Variants in H2AZ2 observed in about 807,000 individuals in gnomAD.
H2AZ2 encodes histone H2A.V.
A neutral mutation model predicts 15.5 loss-of-function variants in H2AZ2; 5 were observed. The observed-to-expected ratio is 0.32, with a 90% CI of 0.17 to 0.68. The LOEUF (loss-of-function observed/expected upper bound fraction) is 0.68, where lower values mean the gene tolerates loss of function less well. Among genes scored for constraint, H2AZ2 ranks in the 30% least tolerant of loss-of-function variants. The pLI, the probability that H2AZ2 is intolerant of heterozygous loss-of-function variation, is 0.72. For missense variants in H2AZ2, 42 were observed against 162.5 expected, an observed-to-expected ratio of 0.26 and a Z score of 4.03; for synonymous variants, 44 against 57.4, an observed-to-expected ratio of 0.77 and a Z score of 1.05.
At chr7:44,830,205 G>A (rs1792980888), downstream of H2AZ2, 2 of 1,601,112 alleles carry the variant, frequency 1.2e-6, no homozygotes, top group Non-Finnish European at 1.7e-6. Context: ...AAAAACAGCA[G>A]GCAAATAAAT....
downstream of H2AZ2, chr7:44,827,533 C>T (rs999134656): frequency 1.3e-5 from 2 of 152,204 alleles, no homozygotes; most frequent in African/African-American, 4.8e-5. Flanking sequence ...AGAAACCAGC[C>T]TCATTTCCAG....
At chr7:44,828,992 C>CA (rs1413841915), downstream of H2AZ2, 3 of 152,254 alleles carry the variant, frequency 2.0e-5, no homozygotes, top group Middle Eastern at 3.2e-3. Context: ...CATGTAATTA[C>CA]ACTGGGTTCC....
downstream of H2AZ2, among the ~76,000 whole-genome samples, chr7:44,831,079 A>G (rs528635175): frequency 3.9e-5 from 6 of 152,312 alleles, no homozygotes; most frequent in East Asian, 9.6e-4. Flanking sequence ...AGGCAGAAGA[A>G]TCACTTGAAC....
At chr7:44,848,100 C>T, upstream of H2AZ2, 1 of 473,924 alleles carries the variant, frequency 2.1e-6, no homozygotes, top group Non-Finnish European at 3.3e-6. Flanking sequence ...CCGCCTCGCG[C>T]TGCTGTGGCC....
chr7:44,847,765 C>G lies in H2AZ2; in HGVS notation c.3+204G>C, dbSNP rs144823791. On this transcript the variant is annotated intron_variant, in intron 1 of 4. Coordinates refer to ENST00000308153, the MANE Select transcript of H2AZ2 (RefSeq NM_012412.5). ...CTCGGAACAGACTTCGCGCTCTACCCGGCCAGGCCCAGCTCTCACCCGGGG... is the reference window on the plus strand; with the variant it reads ...CTCGGAACAGACTTCGCGCTCTACCGGGCCAGGCCCAGCTCTCACCCGGGG... Among the ~76,000 whole-genome samples the G allele has an allele frequency of 5.7e-4, 87 of 152,322 alleles. 1 individual carries two copies. Among genetic ancestry groups the G allele is most frequent in the African/African-American group, 2.0e-3 (84 of 41,570 alleles).
downstream of H2AZ2, chr7:44,828,820 A>G (rs1003794107): frequency 2.0e-5 from 3 of 152,184 alleles, no homozygotes; most frequent in African/African-American, 7.2e-5. Context: ...AGGTAAGGCC[A>G]AGCTTCTCAT....
At chr7:44,847,897 G>A in intron 1 of H2AZ2, 72 bp downstream of exon 1, 1 of 1,528,514 alleles carries the variant, frequency 6.5e-7, no homozygotes, top group African/African-American at 1.4e-5. Flanking sequence ...CACAGGTAGC[G>A]GCGCCGACGC....
At chr7:44,840,002 A>AAAAT (rs149563809) in intron 3 of H2AZ2, among the ~76,000 whole-genome samples, 16,889 of 141,880 alleles carry the variant, frequency 0.12, 1,587 homozygotes, top group African/African-American at 0.25. Flanking sequence ...ACCCTGTCTC[A>AAAAT]AAATAAATAA....
At chr7:44,839,415 G>A (rs747111300) in intron 3 of H2AZ2, among the ~76,000 whole-genome samples, 3 of 151,834 alleles carry the variant, frequency 2.0e-5, no homozygotes, top group South Asian at 2.1e-4. Context: ...GGTGGCTCAC[G>A]CCTGTAATCC....
chr7:44,844,210 T>C (rs1406791975), intron 1 of H2AZ2, among the ~76,000 whole-genome samples: 1 of 152,182 alleles, frequency 6.6e-6, no homozygotes, highest in Non-Finnish European at 1.5e-5. Flanking sequence ...GAAACAATCT[T>C]GAGTGTCCAA....
At chr7:44,836,101 G>A (rs1266861680) in intron 3 of H2AZ2, among the ~76,000 whole-genome samples, 1 of 151,808 alleles carries the variant, frequency 6.6e-6, no homozygotes, top group African/African-American at 2.4e-5. Context: ...GCTGTGACCA[G>A]GTGAGCGCCA....
At chr7:44,847,722 C>A (rs1156736957) in intron 1 of H2AZ2, among the ~76,000 whole-genome samples, 1 of 152,198 alleles carries the variant, frequency 6.6e-6, no homozygotes, top group Non-Finnish European at 1.5e-5. Context: ...TCACAAGCGT[C>A]GGGACAGATC....
intron 1 of H2AZ2, among the ~76,000 whole-genome samples, chr7:44,844,653 C>G (rs1054748356): frequency 6.6e-6 from 1 of 152,040 alleles, no homozygotes; most frequent in Non-Finnish European, 1.5e-5. Flanking sequence ...TGCGCCTGGC[C>G]GAGTTATTGT....
chr7:44,837,578 A>T (rs1387846141), intron 3 of H2AZ2, among the ~76,000 whole-genome samples: 2 of 150,626 alleles, frequency 1.3e-5, no homozygotes, highest in Non-Finnish European at 3.0e-5. Flanking sequence ...TGCAGCCTCA[A>T]CCTCCTGGGT....
rs7805890 is a variant in H2AZ2 at position 44,833,312 on chromosome 7, A to G, written c.*1189T>C. ...CAGTGGCGCCATCTTGGCTCACTGC[A>G]AGCTCCGCCTCCCGGGTTCACGTCA... On this transcript the variant is annotated 3_prime_UTR_variant, in exon 5 of 5. Coordinates refer to ENST00000308153, the MANE Select transcript of H2AZ2 (RefSeq NM_012412.5). Among the ~76,000 whole-genome samples the G allele has an allele frequency of 0.48, 72,760 of 151,940 alleles. 17,811 individuals carry two copies. The highest frequency in any genetic ancestry group is 0.59 in the Middle Eastern group (172 of 290).
chr7:44,847,449 A>G (rs893849207), intron 1 of H2AZ2, among the ~76,000 whole-genome samples: 4 of 152,216 alleles, frequency 2.6e-5, no homozygotes, highest in African/African-American at 9.6e-5. Flanking sequence ...CACCTAGAAC[A>G]AATCGTGTGG....
At chr7:44,836,807 T>C (rs1793134255) in intron 3 of H2AZ2, among the ~76,000 whole-genome samples, 2 of 151,762 alleles carry the variant, frequency 1.3e-5, no homozygotes, top group Admixed American at 6.6e-5. Flanking sequence ...CCATCCTGGC[T>C]AACACGGTGA....
chr7:44,836,768 GGGTGGATCATGA>G, intron 3 of H2AZ2, among the ~76,000 whole-genome samples: 1 of 151,988 alleles, frequency 6.6e-6, no homozygotes, highest in South Asian at 2.1e-4. Context: ...AGGCCGAGAG[GGGTGGATCATGA>G]GGTCAGGAGA....
intron 4 of H2AZ2, 98 bp downstream of exon 4, chr7:44,835,431 C>T (rs1483728168): frequency 1.1e-6 from 1 of 929,226 alleles, no homozygotes; most frequent in Non-Finnish European, 1.6e-6. Context: ...AGTTTATATG[C>T]TTTCTAGTTA....
Sources: gnomAD v4.1 joint callset for allele counts (sites outside exome capture counted in the v4.1 genomes callset) on GRCh38, gnomAD v4.1.1 for gene constraint, MANE v1.5 for transcripts, NCBI Gene and HGNC (gene_info 2026-07-23, HGNC 2026-07-21) for gene names.